The following GFPT2 variants were observed in gnomAD, a reference collection of about 807,000 sequenced individuals.
The protein encoded by GFPT2 is glutamine--fructose-6-phosphate transaminase 2.
Under a neutral mutation model 85.6 loss-of-function variants are expected in GFPT2, and 62 were observed. That is an observed-to-expected ratio of 0.72 (90% CI 0.59 to 0.90). The LOEUF (loss-of-function observed/expected upper bound fraction) is 0.90, where lower values mean the gene tolerates loss of function less well. Among genes scored for constraint, GFPT2 ranks in the 40% least tolerant of loss-of-function variants. GFPT2 has a pLI of 0.00. For synonymous variants in GFPT2, 368 were observed against 344.5 expected, an observed-to-expected ratio of 1.07 and a Z score of -0.75; for missense variants, 788 against 893.4, an observed-to-expected ratio of 0.88 and a Z score of 1.50.
At chr5:180,346,270 T>G (rs545926512) in intron 1 of GFPT2, among the ~76,000 whole-genome samples, 1 of 152,168 alleles carries the variant, frequency 6.6e-6, no homozygotes, top group Non-Finnish European at 1.5e-5. Flanking sequence ...GCTCACCACT[T>G]CTACCCCCAC....
At chr5:180,339,105 G>T (rs951247968) in intron 1 of GFPT2, among the ~76,000 whole-genome samples, 1 of 151,980 alleles carries the variant, frequency 6.6e-6, no homozygotes, top group African/African-American at 2.4e-5. Context: ...TTGAGCCGGG[G>T]GCGGTGGCTC....
At chr5:180,333,228 T>C (rs1399585611) in intron 4 of GFPT2, among the ~76,000 whole-genome samples, 2 of 150,000 alleles carry the variant, frequency 1.3e-5, no homozygotes, top group African/African-American at 4.9e-5. Flanking sequence ...TGATATTGTT[T>C]CTTTTTCTTT....
At chr5:180,308,890 GAC>G (rs1326788108) in intron 15 of GFPT2, among the ~76,000 whole-genome samples, 3 of 146,312 alleles carry the variant, frequency 2.1e-5, no homozygotes, top group Non-Finnish European at 4.5e-5. Context: ...TTTTTTTTGA[GAC>G]AGAGTCTCAC....
Position 180,302,556 on chromosome 5 carries a change from T to C in GFPT2, c.1871A>G (p.Asp624Gly), listed in dbSNP as rs1476634050. Residue 624 changes from aspartate (D) to glycine (G), a missense_variant, in exon 18 of 19, where the codon GAC becomes GGC. By Grantham distance (94) the Asp-to-Gly change is moderately conservative. Transcript: ENST00000253778. ...CGCAAACTTGGAACTTTCAGTATCG[T>C]CCTTGGAGCACAGTATAATGGGGCG... ...QGRPIILCSK[D>G]DTESSKFAYK... 41 of 1,613,996 alleles carry C rather than the reference T, an allele frequency of 2.5e-5. No individual in the cohort carries two copies. The highest frequency in any genetic ancestry group is 4.0e-5 in the African/African-American group (3 of 75,038).
Position 180,318,521 on chromosome 5 carries a change from T to G in GFPT2, c.958+272A>C. The G allele has an allele frequency of 1.7e-5, 7 of 416,634 alleles. No individual in the cohort carries two copies. Among genetic ancestry groups the G allele is most frequent in the Admixed American group, 3.7e-5 (1 of 27,158 alleles). The allele number at this position is 416,634 out of a possible 1,614,324, so 25.8% of individuals were successfully genotyped here. A position where few individuals can be genotyped will look rare whatever the true frequency, so the allele number is the denominator to read the frequency against. On this transcript the variant is annotated intron_variant, in intron 10 of 18. Transcript: ENST00000253778. This position sits in a 1 kb window ranked among gnomAD's most constrained non-coding sequence, Gnocchi z 4.2. ...GAGGGTGGGCATGTGTCCCGCGGAGTCGGTGAAGGAAGGCAGCTGACACAC... is the reference window on the plus strand; with the variant it reads ...GAGGGTGGGCATGTGTCCCGCGGAGGCGGTGAAGGAAGGCAGCTGACACAC...
At chr5:180,327,117 G>C (rs188508107) in intron 7 of GFPT2, among the ~76,000 whole-genome samples, 1 of 152,308 alleles carries the variant, frequency 6.6e-6, no homozygotes, top group East Asian at 1.9e-4. Context: ...GGAAGAGACA[G>C]CCTCACCCTC....
intron 15 of GFPT2, among the ~76,000 whole-genome samples, chr5:180,310,028 T>G (rs2127647490): frequency 6.6e-6 from 1 of 151,770 alleles, no homozygotes; most frequent in East Asian, 2.0e-4. Flanking sequence ...GCCAGGATGG[T>G]CTCGATCTCC....
intron 9 of GFPT2, among the ~76,000 whole-genome samples, chr5:180,321,847 G>A (rs999681322): frequency 1.3e-5 from 2 of 152,208 alleles, no homozygotes; most frequent in East Asian, 1.9e-4. Context: ...GCAGTGGCGC[G>A]ATCTCGGCTC....
At chr5:180,352,045 C>T (rs1764719852) in intron 1 of GFPT2, among the ~76,000 whole-genome samples, 1 of 152,196 alleles carries the variant, frequency 6.6e-6, no homozygotes, top group African/African-American at 2.4e-5. Context: ...TGGAGAATGG[C>T]GTCTGGGAGC....
chr5:180,318,859 A>G lies in GFPT2; in HGVS notation c.892T>C (p.Ser298Pro). The G allele has an allele frequency of 3.1e-6, 5 of 1,614,020 alleles. No individual in the cohort carries two copies. Among genetic ancestry groups the G allele is most frequent in the Non-Finnish European group, 4.2e-6 (5 of 1,179,960 alleles). Residue 298 changes from serine (S) to proline (P), a missense_variant, in exon 10 of 19, where the codon TCG (serine) becomes CCG (proline). By Grantham distance (74) the Ser-to-Pro change is moderately conservative. Transcript: ENST00000253778. The surrounding 1 kb of genome is among the most constrained non-coding windows in gnomAD (Gnocchi z 4.2). ...GCTCGAGATGGGTCATCACTGGCCGAGCGCTTGACCCGGTGAATGGAGAGT... is the reference window on the plus strand; with the variant it reads ...GCTCGAGATGGGTCATCACTGGCCGGGCGCTTGACCCGGTGAATGGAGAGT... ...GKLSIHRVKR[S>P]ASDDPSRAIQ...
At chr5:180,317,695 C>G (rs1219682215) in intron 10 of GFPT2, among the ~76,000 whole-genome samples, 2 of 116,222 alleles carry the variant, frequency 1.7e-5, no homozygotes, top group Non-Finnish European at 3.4e-5. Context: ...GGAGGCGGAG[C>G]TTGCAGTGAG....
In GFPT2 at chr5:180,307,231, G is replaced by T; in HGVS notation, c.1619C>A (p.Ser540Ter). ...DLALELYTQR[S>*]LLVMGRGYNY... Reference sequence around the variant, plus strand: ...GTAGCCCCGCCCCATCACCAGCAGCGATCTCTGCGTGTAGAGCTCCAGGGC... The same window carrying T: ...GTAGCCCCGCCCCATCACCAGCAGCTATCTCTGCGTGTAGAGCTCCAGGGC... The change falls in exon 16 of 19, where the codon TCG (serine) becomes TAG (stop). Residue 540 changes from serine to a stop codon, truncating the protein, a stop_gained. Transcript: ENST00000253778. LOFTEE classifies it high-confidence loss of function. 6.2e-7 allele frequency: 1 copy of T among 1,612,906 alleles called. No individual in the cohort carries two copies. Among genetic ancestry groups the T allele is most frequent in the Non-Finnish European group, 8.5e-7 (1 of 1,179,492 alleles).
Position 180,301,264 on chromosome 5 carries a change from A to G in GFPT2, c.*300T>C, listed in dbSNP as rs1416480608. The G allele has an allele frequency of 1.1e-5, 5 of 439,200 alleles. 1 individual carries two copies. The highest frequency in any genetic ancestry group is 1.6e-5 in the Non-Finnish European group (4 of 249,420). The allele number at this position is 439,200 out of a possible 1,614,324, so 27.2% of individuals were successfully genotyped here. A position where few individuals can be genotyped will look rare whatever the true frequency, so the allele number is the denominator to read the frequency against. ...TAAAACTAACTCTAGTGTTGGTTATAAAAGGTTCACAGTTACTCTGAAGAG... is the reference window on the plus strand; with the variant it reads ...TAAAACTAACTCTAGTGTTGGTTATGAAAGGTTCACAGTTACTCTGAAGAG... On this transcript the variant is annotated 3_prime_UTR_variant, in exon 19 of 19. Transcript: ENST00000253778.
At chr5:180,308,755 CTG>C (rs1419773841) in intron 15 of GFPT2, among the ~76,000 whole-genome samples, 1 of 152,168 alleles carries the variant, frequency 6.6e-6, no homozygotes, top group Admixed American at 6.5e-5. Flanking sequence ...GTGCATAACT[CTG>C]TGACATCGTG....
At chr5:180,302,244 G>A (rs1406858956) in intron 18 of GFPT2, among the ~76,000 whole-genome samples, 179 bp downstream of exon 18, 1 of 150,780 alleles carries the variant, frequency 6.6e-6, no homozygotes, top group Middle Eastern at 3.4e-3. Context: ...CCGAGGTTGT[G>A]CCACTGCCCT....
chr5:180,308,974 A>G (rs970126980), intron 15 of GFPT2, among the ~76,000 whole-genome samples: 3 of 151,460 alleles, frequency 2.0e-5, no homozygotes, highest in Non-Finnish European at 2.9e-5. Flanking sequence ...GGTTCAAGTG[A>G]TTCTCCTGCC....
At chr5:180,346,320 G>C (rs2127658119) in intron 1 of GFPT2, among the ~76,000 whole-genome samples, 1 of 152,266 alleles carries the variant, frequency 6.6e-6, no homozygotes, top group East Asian at 1.9e-4. Context: ...CAAGAAGAAA[G>C]GTATAGCTCA....
At chr5:180,319,950 T>C (rs1764086862) in intron 9 of GFPT2, among the ~76,000 whole-genome samples, 1 of 152,114 alleles carries the variant, frequency 6.6e-6, no homozygotes, top group South Asian at 2.1e-4. Context: ...CTAAAAGTAG[T>C]CTACAAGCTA....
At chr5:180,311,885 G>T (rs1763892469) in intron 15 of GFPT2, among the ~76,000 whole-genome samples, 1 of 152,162 alleles carries the variant, frequency 6.6e-6, no homozygotes, top group Non-Finnish European at 1.5e-5. Flanking sequence ...GCAGGAAGAA[G>T]ATGGTTCAGC....
Sources: allele counts gnomAD v4.1 joint callset (sites outside exome capture counted in the v4.1 genomes callset), GRCh38; gene constraint gnomAD v4.1.1; non-coding constraint Gnocchi (gnomAD v3.1); transcripts MANE v1.5; gene names NCBI Gene and HGNC (gene_info 2026-07-23, HGNC 2026-07-21).